The following COLGALT2 variants were observed in gnomAD, a reference collection of about 807,000 sequenced individuals.
COLGALT2 encodes the protein collagen beta(1-O)galactosyltransferase 2.
A neutral mutation model predicts 73.4 loss-of-function variants in COLGALT2; 49 were observed. The observed-to-expected ratio is 0.67, with a 90% CI of 0.53 to 0.85. The LOEUF (loss-of-function observed/expected upper bound fraction) is 0.85. Ranked by LOEUF, COLGALT2 falls within the 40% of genes least tolerant of loss-of-function variation. The pLI, the probability that COLGALT2 is intolerant of heterozygous loss-of-function variation, is 0.00. For synonymous variants in COLGALT2, 295 were observed against 307.6 expected, an observed-to-expected ratio of 0.96 and a Z score of 0.43; for missense variants, 722 against 790.2, an observed-to-expected ratio of 0.91 and a Z score of 1.03.
intron 1 of COLGALT2, among the ~76,000 whole-genome samples, chr1:184,011,200 T>A (rs898751603): frequency 6.6e-6 from 1 of 151,976 alleles, no homozygotes; most frequent in Non-Finnish European, 1.5e-5. Context: ...CTACCTAGAG[T>A]CAAGCACGTT....
intron 4 of COLGALT2, among the ~76,000 whole-genome samples, chr1:183,972,502 A>G (rs1260932231): frequency 6.6e-6 from 1 of 152,224 alleles, no homozygotes; most frequent in Non-Finnish European, 1.5e-5. Context: ...AATAAAAAAT[A>G]TAACCAGCCA....
At chr1:184,014,235 A>C (rs1458900131) in intron 1 of COLGALT2, among the ~76,000 whole-genome samples, 1 of 152,220 alleles carries the variant, frequency 6.6e-6, no homozygotes, top group East Asian at 1.9e-4. Flanking sequence ...ACCACTTTTA[A>C]GAAACATGTA....
At chr1:184,025,927 G>A (rs946365083) in intron 1 of COLGALT2, among the ~76,000 whole-genome samples, 4 of 152,208 alleles carry the variant, frequency 2.6e-5, no homozygotes, top group African/African-American at 9.7e-5. Context: ...AGGACTCAGA[G>A]AACATCTCAT....
intron 5 of COLGALT2, chr1:183,964,357 G>A (rs1670806295): frequency 2.8e-6 from 1 of 354,522 alleles, no homozygotes; most frequent in African/African-American, 2.1e-5. Context: ...AGAGCAGAAT[G>A]GAACACTGTA....
downstream of COLGALT2, among the ~76,000 whole-genome samples, chr1:183,934,016 T>C (rs1162414052): frequency 6.6e-6 from 1 of 152,180 alleles, no homozygotes; most frequent in Non-Finnish European, 1.5e-5. Flanking sequence ...TCAGCTCACA[T>C]ATTAGCACAT....
chr1:183,978,697 C>A (rs1345947623), intron 1 of COLGALT2, among the ~76,000 whole-genome samples, 177 bp from the exon 2 acceptor site: 1 of 152,194 alleles, frequency 6.6e-6, no homozygotes, highest in East Asian at 1.9e-4. Flanking sequence ...GTGAGAGACA[C>A]TGCTTAAAAT....
intron 1 of COLGALT2, among the ~76,000 whole-genome samples, chr1:183,985,176 T>C (rs1671454509): frequency 6.6e-6 from 1 of 152,186 alleles, no homozygotes; most frequent in Non-Finnish European, 1.5e-5. Flanking sequence ...AGGGCTAAAC[T>C]CATATTGGTA....
intron 1 of COLGALT2, among the ~76,000 whole-genome samples, chr1:184,013,446 G>A (rs1648878878): frequency 6.6e-6 from 1 of 152,148 alleles, no homozygotes; most frequent in South Asian, 2.1e-4. Flanking sequence ...TAAAAAATAG[G>A]CAAGTGGTGT....
chr1:183,991,973 A>G (rs897644356), intron 1 of COLGALT2, among the ~76,000 whole-genome samples: 1 of 151,948 alleles, frequency 6.6e-6, no homozygotes, highest in Non-Finnish European at 1.5e-5. Context: ...CTGGGAGAGG[A>G]GCATGCATAA....
At chr1:184,012,281 T>C (rs1033836616) in intron 1 of COLGALT2, among the ~76,000 whole-genome samples, 7 of 152,164 alleles carry the variant, frequency 4.6e-5, no homozygotes, top group South Asian at 2.1e-4. Context: ...GTATTAGTAA[T>C]ACAAACACAG....
intron 1 of COLGALT2, among the ~76,000 whole-genome samples, chr1:184,018,853 T>C (rs1420059506): frequency 6.6e-6 from 1 of 152,110 alleles, no homozygotes; most frequent in Non-Finnish European, 1.5e-5. Flanking sequence ...TTCCTGCCAG[T>C]AGCAAGCAGT....
chr1:183,957,443 C>T (rs564675371), intron 6 of COLGALT2, among the ~76,000 whole-genome samples: 1 of 152,270 alleles, frequency 6.6e-6, no homozygotes, highest in South Asian at 2.1e-4. Context: ...CTCATTTAAG[C>T]CCAGTCATGT....
At chr1:183,972,246 T>C (rs1671057693) in intron 4 of COLGALT2, among the ~76,000 whole-genome samples, 1 of 152,192 alleles carries the variant, frequency 6.6e-6, no homozygotes, top group Admixed American at 6.5e-5. Context: ...GATGGAACTA[T>C]AGGTGTGCAC....
intron 1 of COLGALT2, among the ~76,000 whole-genome samples, chr1:184,025,738 C>A (rs893452699): frequency 2.6e-5 from 4 of 152,192 alleles, no homozygotes; most frequent in African/African-American, 9.7e-5. Context: ...TTAGCAAACA[C>A]CTTTCGCACA....
intron 2 of COLGALT2, among the ~76,000 whole-genome samples, chr1:183,976,128 A>T (rs1671183080): frequency 2.0e-5 from 3 of 152,124 alleles, no homozygotes; most frequent in Admixed American, 2.0e-4. Flanking sequence ...TTTCACACTG[A>T]CCTTGGCATA....
intron 5 of COLGALT2, among the ~76,000 whole-genome samples, chr1:183,965,465 G>A (rs1178285336): frequency 2.0e-5 from 3 of 152,142 alleles, no homozygotes; most frequent in Non-Finnish European, 2.9e-5. Flanking sequence ...GTGAGAGAAG[G>A]ACGAGGAGGA....
At chr1:183,930,943 T>G (rs1669832661), downstream of COLGALT2, among the ~76,000 whole-genome samples, 1 of 152,188 alleles carries the variant, frequency 6.6e-6, no homozygotes, top group African/African-American at 2.4e-5. Context: ...TTGGCAACCA[T>G]TATTGGGTGT....
chr1:184,013,085 C>T (rs749658728), intron 1 of COLGALT2, among the ~76,000 whole-genome samples: 14 of 152,298 alleles, frequency 9.2e-5, no homozygotes, highest in Middle Eastern at 3.4e-3. Context: ...GAGGCCAAGG[C>T]GGGTGGATCA....
chr1:183,970,903 A>G (rs974483837), intron 4 of COLGALT2, among the ~76,000 whole-genome samples: 2 of 152,206 alleles, frequency 1.3e-5, no homozygotes, highest in African/African-American at 4.8e-5. Flanking sequence ...GCAGTCTTCC[A>G]AGAGATAAAG....
Sources: gnomAD v4.1 joint callset for allele counts (sites outside exome capture counted in the v4.1 genomes callset) on GRCh38, gnomAD v4.1.1 for gene constraint, MANE v1.5 for transcripts, NCBI Gene and HGNC (gene_info 2026-07-23, HGNC 2026-07-21) for gene names.